Variants in CCDC178 observed in about 807,000 individuals in gnomAD.
CCDC178 encodes the protein coiled-coil domain containing 178.
A neutral mutation model predicts 117.4 loss-of-function variants in CCDC178; 126 were observed. That is an observed-to-expected ratio of 1.07 (90% CI 0.93 to 1.24). The LOEUF is 1.24. Among genes scored for constraint, CCDC178 ranks in the 50% most tolerant of loss-of-function variants. The pLI, the probability that CCDC178 is intolerant of heterozygous loss-of-function variation, is 0.00. For missense variants in CCDC178, 1,030 were observed against 986.9 expected (o/e 1.04, Z -0.59); for synonymous variants, 283 against 313.4 (o/e 0.90, Z 1.02).
intron 7 of CCDC178, among the ~76,000 whole-genome samples, chr18:33,353,845 G>C (rs1367361595): frequency 2.6e-5 from 4 of 151,724 alleles, no homozygotes; most frequent in Admixed American, 2.0e-4. Flanking sequence ...ACTTATACTG[G>C]ATTTTATACT....
At chr18:33,200,680 A>C (rs1001115849) in intron 20 of CCDC178, among the ~76,000 whole-genome samples, 2 of 152,114 alleles carry the variant, frequency 1.3e-5, no homozygotes, top group African/African-American at 2.4e-5. Context: ...CCACTTTCCA[A>C]GATTTAGTTC....
rs747590581 is a variant in CCDC178 at position 33,293,273 on chromosome 18, G to C, written c.1062C>G (p.Tyr354Ter). The change falls in exon 12 of 23, where the codon TAC becomes TAG. Residue 354 changes from tyrosine to a stop codon, truncating the protein, a stop_gained. Transcript: ENST00000383096. LOFTEE classifies it high-confidence loss of function. ...IYQLNSLFDH[Y>*]SSSVINVNTN... ...TATTAACATTTATCACTGATGAAGA[G>C]TAATGATCAAATAGACTGTTAAGTT... is the stretch of plus-strand genomic sequence containing the variant. 1.9e-6 allele frequency: 3 copies of C among 1,543,738 alleles called. No individual in the cohort carries two copies. In the South Asian group the frequency reaches 3.5e-5, roughly 18 times the overall value.
intron 3 of CCDC178, among the ~76,000 whole-genome samples, chr18:33,408,201 G>T (rs1323865372): frequency 6.6e-6 from 1 of 151,682 alleles, no homozygotes; most frequent in Non-Finnish European, 1.5e-5. Context: ...TTCACAACAG[G>T]TTCACAATTT....
intron 7 of CCDC178, among the ~76,000 whole-genome samples, chr18:33,354,611 T>C (rs2063026920): frequency 6.7e-6 from 1 of 149,022 alleles, no homozygotes; most frequent in African/African-American, 2.5e-5. Context: ...TTCCAGAATT[T>C]TTTTTTTTTT....
intron 9 of CCDC178, among the ~76,000 whole-genome samples, chr18:33,340,768 T>C (rs2062806736): frequency 6.6e-6 from 1 of 152,182 alleles, no homozygotes; most frequent in African/African-American, 2.4e-5. Context: ...AGTCAAGAAA[T>C]GAGGTTTGAG....
intron 2 of CCDC178, 138 bp downstream of exon 2, chr18:33,439,824 G>A (rs1216602922): frequency 3.3e-5 from 5 of 152,236 alleles, no homozygotes; most frequent in African/African-American, 7.2e-5. Flanking sequence ...TTATTGAGCA[G>A]TGGATGAATG....
intron 21 of CCDC178, among the ~76,000 whole-genome samples, chr18:33,033,696 T>G (rs1332242667): frequency 6.6e-6 from 1 of 151,972 alleles, no homozygotes; most frequent in Admixed American, 6.6e-5. Context: ...CCTCAAAGAG[T>G]GGGCTGCATT....
rs900087873 is a variant in CCDC178, at chr18:33,092,919, TA to T, written c.2239-10del. ...GAATCAGCTATTATTTTCTAGAAGG[TA>T]AAAAAATATAATTGAATTGTGTGTA... On this transcript the variant is annotated splice_polypyrimidine_tract_variant and intron_variant, in intron 20 of 22. Coordinates refer to ENST00000383096, the MANE Select transcript of CCDC178 (RefSeq NM_001105528.4). 8.7e-6 allele frequency: 13 copies of T among 1,491,380 alleles called. No homozygotes were observed. The highest frequency in any genetic ancestry group is 2.8e-5 in the African/African-American group (2 of 70,210). 92.4% of individuals were successfully genotyped at this position (1,491,380 alleles called of 1,614,324 possible).
At chr18:33,227,287 C>CTTT (rs776291370) in intron 15 of CCDC178, among the ~76,000 whole-genome samples, 1 of 138,814 alleles carries the variant, frequency 7.2e-6, no homozygotes, top group East Asian at 2.1e-4. Context: ...AGAACAATTC[C>CTTT]TTTTTTTTTT....
intron 3 of CCDC178, among the ~76,000 whole-genome samples, chr18:33,406,153 T>G (rs1380559462): frequency 4.6e-5 from 7 of 152,064 alleles, no homozygotes; most frequent in Non-Finnish European, 8.8e-5. Context: ...AAAATACATA[T>G]GTATAAATGC....
rs1278501345 is a variant in CCDC178, at chr18:33,349,792, AT to A, written c.372-818del. ...GTATACATACCAAAAATCATAAAAA[AT>A]AATATAATCCATATTTATTCTTCAG... On this transcript the variant is annotated intron_variant, in intron 7 of 22. Coordinates refer to ENST00000383096, the MANE Select transcript of CCDC178 (RefSeq NM_001105528.4). Among the ~76,000 whole-genome samples the A allele has an allele frequency of 1.1e-4, 16 of 152,040 alleles. No homozygotes were observed. In the South Asian group the frequency reaches 3.1e-3, roughly 30 times the overall value.
chr18:33,027,941 A>T (rs1049747271), intron 21 of CCDC178, among the ~76,000 whole-genome samples: 2 of 151,788 alleles, frequency 1.3e-5, no homozygotes, highest in Non-Finnish European at 3.0e-5. Context: ...AAATCTCAAG[A>T]TAAATTAGAA....
chr18:33,057,220 C>G (rs557978108), intron 21 of CCDC178, among the ~76,000 whole-genome samples: 3 of 152,244 alleles, frequency 2.0e-5, no homozygotes, highest in Admixed American at 6.5e-5. Context: ...TTCAATAAAG[C>G]ACACAACAGC....
At chr18:33,317,315 G>A (rs749646586) in intron 11 of CCDC178, among the ~76,000 whole-genome samples, 6 of 151,910 alleles carry the variant, frequency 3.9e-5, no homozygotes, top group Non-Finnish European at 4.4e-5. Flanking sequence ...GACATTCACC[G>A]TGAAGGCCTG....
chr18:33,119,901 T>G (rs1273967348), intron 20 of CCDC178, among the ~76,000 whole-genome samples: 1 of 152,084 alleles, frequency 6.6e-6, no homozygotes, highest in Non-Finnish European at 1.5e-5. Context: ...TGGATGAAGC[T>G]GGAAACCATC....
At chr18:33,365,353 C>T (rs890047182) in intron 6 of CCDC178, among the ~76,000 whole-genome samples, 2 of 152,070 alleles carry the variant, frequency 1.3e-5, no homozygotes, top group Non-Finnish European at 2.9e-5. Context: ...ATAGCTGACA[C>T]ATTGTCAAGG....
At chr18:33,370,251 A>T (rs529077179) in intron 5 of CCDC178, 62 bp from the exon 6 acceptor site, 1 of 1,283,074 alleles carries the variant, frequency 7.8e-7, no homozygotes, top group Admixed American at 3.3e-5. Flanking sequence ...TTTGATGTTC[A>T]GAATAAGCAA....
chr18:33,375,296 C>T (rs570612491), intron 5 of CCDC178, among the ~76,000 whole-genome samples: 1 of 152,154 alleles, frequency 6.6e-6, no homozygotes, highest in Admixed American at 6.5e-5. Context: ...TCTCATATTC[C>T]TTAAATATGA....
At chr18:33,064,475 A>G (rs2056978323) in intron 21 of CCDC178, among the ~76,000 whole-genome samples, 1 of 152,248 alleles carries the variant, frequency 6.6e-6, no homozygotes. Flanking sequence ...TTGAAGACAG[A>G]TCTTTTGAAA....
Sources: gnomAD v4.1 joint callset for allele counts (sites outside exome capture counted in the v4.1 genomes callset) on GRCh38, gnomAD v4.1.1 for gene constraint, MANE v1.5 for transcripts, NCBI Gene and HGNC (gene_info 2026-07-23, HGNC 2026-07-21) for gene names.